Variants in ARHGAP32 observed in about 807,000 individuals in gnomAD.
ARHGAP32 encodes Rho GTPase activating protein 32, also known as rho GTPase-activating protein 32.
In ARHGAP32, 51 loss-of-function variants were observed where a neutral mutation model predicts 186.5. The ratio of observed to expected loss-of-function variants is 0.27; its 90% CI spans 0.22 to 0.35. ARHGAP32 has a LOEUF of 0.35. ARHGAP32 is among the 10% of genes least tolerant of loss of function. ARHGAP32 has a pLI of 1.00. For missense variants in ARHGAP32, 2,186 were observed against 2,623.5 expected (o/e 0.83, Z 3.64); for synonymous variants, 950 against 964.3 (o/e 0.99, Z 0.27).
At chr11:129,044,392 C>T (rs1433208965) in intron 10 of ARHGAP32, among the ~76,000 whole-genome samples, 4 of 152,136 alleles carry the variant, frequency 2.6e-5, no homozygotes, top group African/African-American at 9.7e-5. Flanking sequence ...CCATTTATGG[C>T]AGAGGTTGCA....
chr11:129,156,155 T>C (rs186851343), intron 2 of ARHGAP32, among the ~76,000 whole-genome samples: 6 of 152,284 alleles, frequency 3.9e-5, no homozygotes, highest in African/African-American at 9.6e-5. Flanking sequence ...AAGCACAAAA[T>C]TGGGCAGCCA....
intron 5 of ARHGAP32, among the ~76,000 whole-genome samples, chr11:129,095,860 T>C (rs1025494845): frequency 3.3e-5 from 5 of 152,222 alleles, no homozygotes; most frequent in South Asian, 2.1e-4. Flanking sequence ...CTGGGCTTCA[T>C]AGCAAAGCAC....
chr11:129,260,925 C>T (rs1945313130), intron 1 of ARHGAP32, among the ~76,000 whole-genome samples: 1 of 152,154 alleles, frequency 6.6e-6, no homozygotes, highest in Admixed American at 6.5e-5. Context: ...GATCAAACAA[C>T]TTTGCCAGAA....
chr11:129,104,832 A>G (rs1942006074), intron 5 of ARHGAP32, among the ~76,000 whole-genome samples: 1 of 152,198 alleles, frequency 6.6e-6, no homozygotes, highest in Non-Finnish European at 1.5e-5. Context: ...TAAAGGGTTT[A>G]GAATAACCAA....
chr11:129,181,947 C>T (rs1316433442), intron 1 of ARHGAP32, among the ~76,000 whole-genome samples: 4 of 152,086 alleles, frequency 2.6e-5, no homozygotes, highest in Admixed American at 2.0e-4. Flanking sequence ...TATATTCACA[C>T]ATAAATTATT....
intron 11 of ARHGAP32, among the ~76,000 whole-genome samples, chr11:129,027,076 G>A (rs539091652): frequency 1.3e-5 from 2 of 148,414 alleles, no homozygotes; most frequent in South Asian, 2.1e-4. Flanking sequence ...TCCAGCCTGG[G>A]CAACAGCGCA....
chr11:129,250,750 C>T (rs1945170247), intron 1 of ARHGAP32, among the ~76,000 whole-genome samples: 2 of 152,130 alleles, frequency 1.3e-5, no homozygotes, highest in African/African-American at 2.4e-5. Flanking sequence ...TTTTTTAACA[C>T]ATTTGTATTT....
chr11:129,078,288 G>A (rs1941109382), intron 6 of ARHGAP32, among the ~76,000 whole-genome samples: 3 of 151,888 alleles, frequency 2.0e-5, no homozygotes. Context: ...CACTCTGTGG[G>A]ACAAAAGAAT....
intron 1 of ARHGAP32, among the ~76,000 whole-genome samples, chr11:129,181,329 T>A (rs969064461): frequency 6.6e-6 from 1 of 152,148 alleles, no homozygotes; most frequent in African/African-American, 2.4e-5. Context: ...TCTGTCTGTG[T>A]ACAAATATGC....
intron 1 of ARHGAP32, among the ~76,000 whole-genome samples, chr11:129,205,689 TAAAAG>T (rs1304928099): frequency 6.6e-6 from 1 of 152,120 alleles, no homozygotes; most frequent in Non-Finnish European, 1.5e-5. Flanking sequence ...AATATAACAA[TAAAAG>T]AAAAGTACTT....
intron 10 of ARHGAP32, among the ~76,000 whole-genome samples, chr11:129,049,113 A>G (rs1380184874): frequency 2.0e-5 from 3 of 152,156 alleles, no homozygotes; most frequent in African/African-American, 7.2e-5. Flanking sequence ...GCACAGGAAC[A>G]GGCATGTTCT....
At chr11:129,195,538 C>G (rs1344886184), upstream of ARHGAP32, among the ~76,000 whole-genome samples, 1 of 151,748 alleles carries the variant, frequency 6.6e-6, no homozygotes, top group Non-Finnish European at 1.5e-5. Flanking sequence ...TTACAGGCAC[C>G]CGCCACCACA....
intron 1 of ARHGAP32, among the ~76,000 whole-genome samples, chr11:129,220,218 ATG>A (rs1170481065): frequency 1.3e-5 from 2 of 152,176 alleles, no homozygotes; most frequent in East Asian, 3.9e-4. Flanking sequence ...TCCCTTCAGT[ATG>A]TTTATTCACC....
intron 11 of ARHGAP32, among the ~76,000 whole-genome samples, chr11:129,038,874 A>G (rs1183263756): frequency 1.4e-5 from 2 of 147,782 alleles, no homozygotes; most frequent in Admixed American, 1.4e-4. Flanking sequence ...GGTGACAAAG[A>G]AAGACCCTGT....
chr11:129,177,583 T>C (rs1394390559), intron 1 of ARHGAP32, among the ~76,000 whole-genome samples: 5 of 152,266 alleles, frequency 3.3e-5, no homozygotes, highest in African/African-American at 9.6e-5. Context: ...AAAAAGCTTA[T>C]CCACCATGAT....
chr11:129,138,340 A>G (rs1468565352), intron 2 of ARHGAP32, among the ~76,000 whole-genome samples: 1 of 151,566 alleles, frequency 6.6e-6, no homozygotes, highest in African/African-American at 2.4e-5. Context: ...TAAAAAGTAG[A>G]GCATCTCTAA....
intron 11 of ARHGAP32, among the ~76,000 whole-genome samples, chr11:129,010,938 A>G (rs1938047265): frequency 6.6e-6 from 1 of 152,210 alleles, no homozygotes; most frequent in African/African-American, 2.4e-5. Context: ...TTTAAGTAAC[A>G]TATTTCTAAG....
intron 2 of ARHGAP32, among the ~76,000 whole-genome samples, chr11:129,144,483 A>G (rs545706975): frequency 6.6e-6 from 1 of 152,328 alleles, no homozygotes; most frequent in South Asian, 2.1e-4. Context: ...TGAACTAAAA[A>G]TAGTGCTAAA....
At chr11:129,052,553 T>C (rs1401369891) in intron 10 of ARHGAP32, among the ~76,000 whole-genome samples, 1 of 152,144 alleles carries the variant, frequency 6.6e-6, no homozygotes, top group Non-Finnish European at 1.5e-5. Context: ...TTGGATCTTC[T>C]TTAATGTCTC....
Sources: gnomAD v4.1 joint callset for allele counts (sites outside exome capture counted in the v4.1 genomes callset) on GRCh38, gnomAD v4.1.1 for gene constraint, MANE v1.5 for transcripts, NCBI Gene and HGNC (gene_info 2026-07-23, HGNC 2026-07-21) for gene names.